The following BRCA1 variants were observed in gnomAD, a reference collection of about 807,000 sequenced individuals.
BRCA1 encodes breast cancer type 1 susceptibility protein.
Under a neutral mutation model 173.7 loss-of-function variants are expected in BRCA1, and 140 were observed. That is an observed-to-expected ratio of 0.81 (90% CI 0.70 to 0.93). The LOEUF is 0.93. Among genes scored for constraint, BRCA1 ranks in the 40% least tolerant of loss-of-function variants. The pLI is 0.00. For synonymous variants in BRCA1, 662 were observed against 756.0 expected (o/e 0.88, Z 2.04); for missense variants, 1,983 against 2,172.5 (o/e 0.91, Z 1.73).
intron 22 of BRCA1, among the ~76,000 whole-genome samples, chr17:43,046,544 C>T (rs906679119): frequency 2.0e-5 from 3 of 151,882 alleles, no homozygotes; most frequent in South Asian, 2.1e-4. Context: ...ACTACAAGTG[C>T]GTGCCACCAT....
chr17:43,143,336 A>G (rs1277990471), intron 1 of BRCA1, among the ~76,000 whole-genome samples: 3 of 152,074 alleles, frequency 2.0e-5, no homozygotes, highest in Non-Finnish European at 4.4e-5. Flanking sequence ...TTTGGGAGAT[A>G]ATTGGGGCAG....
chr17:43,107,505 C>A (rs553061285), intron 3 of BRCA1, among the ~76,000 whole-genome samples: 96 of 151,864 alleles, frequency 6.3e-4, no homozygotes, highest in African/African-American at 2.2e-3. Context: ...CTCAGCCTCC[C>A]GAGTAGCTGG....
chr17:43,053,361 A>G (rs1045212902), intron 19 of BRCA1, among the ~76,000 whole-genome samples: 2 of 152,212 alleles, frequency 1.3e-5, no homozygotes, highest in African/African-American at 4.8e-5. Flanking sequence ...TAGTTATGAG[A>G]TAAGAAATTT....
At chr17:43,089,233 CT>C (rs1307345466) in intron 11 of BRCA1, among the ~76,000 whole-genome samples, 1 of 152,050 alleles carries the variant, frequency 6.6e-6, no homozygotes, top group Non-Finnish European at 1.5e-5. Context: ...ACGAAAATCA[CT>C]TGATCCTGAA....
intron 14 of BRCA1, among the ~76,000 whole-genome samples, chr17:43,072,628 G>C (rs1367287671): frequency 6.7e-6 from 1 of 148,608 alleles, no homozygotes; most frequent in Non-Finnish European, 1.5e-5. Flanking sequence ...GCAATGGCGC[G>C]ATCTCAGCTC....
chr17:43,160,042 A>ATTT (rs1288122295), intron 1 of BRCA1: 2 of 137,690 alleles, frequency 1.5e-5, no homozygotes, highest in Non-Finnish European at 3.2e-5. Flanking sequence ...ACCATCCATG[A>ATTT]TTTTTTTTTT....
intron 22 of BRCA1, among the ~76,000 whole-genome samples, chr17:43,047,415 T>A (rs1178433643): frequency 6.6e-6 from 1 of 152,148 alleles, no homozygotes. Flanking sequence ...TTTATGTTTT[T>A]GTGATGAACA....
At chr17:43,095,200 ACTTAATACTCTGTTCTATCTACAGACTT>A (rs1269140566) in intron 9 of BRCA1, among the ~76,000 whole-genome samples, 17 of 152,210 alleles carry the variant, frequency 1.1e-4, no homozygotes, top group Non-Finnish European at 2.5e-4. Flanking sequence ...CATTAAGTCT[ACTTAATACTCTGTTCTATCTACAGACTT>A]ACCACTCCCT....
rs397508990 is a variant in BRCA1 at position 43,092,872 on chromosome 17, CAG to C, written c.2657_2658del (p.Ser886CysfsTer16). The C allele has an allele frequency of 2.5e-6, 4 of 1,613,942 alleles. No individual in the cohort carries two copies. Among genetic ancestry groups the C allele is most frequent in the Non-Finnish European group, 3.4e-6 (4 of 1,180,002 alleles). On this transcript the variant is annotated frameshift_variant, in exon 10 of 23. Transcript: ENST00000357654. LOFTEE classifies it high-confidence loss of function. ...TGTTTCTTTAAGGACCCAGAGTGGG[CAG>C]AGAATGTTGCACATTCCTCTTCTGC... Reference protein sequence around the residue: ...GNAEEECATFSAHSGSLKKQS... With the variant: ...GNAEEECATFXAHSGSLKKQS...
intron 3 of BRCA1, chr17:43,112,420 C>G (rs555051911): frequency 1.4e-4 from 22 of 152,208 alleles, no homozygotes; most frequent in African/African-American, 4.1e-4. Flanking sequence ...ATTCAAAACA[C>G]AATTTAAAAT....
intron 13 of BRCA1, 37 bp from the exon 14 acceptor site, chr17:43,074,558 C>A (rs2154025763): frequency 1.3e-6 from 2 of 1,566,018 alleles, no homozygotes; most frequent in Middle Eastern, 1.8e-4. Flanking sequence ...CCATCGCCAC[C>A]AATTGTGAAA....
At chr17:43,098,535 T>C (rs1034568083) in intron 7 of BRCA1, among the ~76,000 whole-genome samples, 1 of 151,172 alleles carries the variant, frequency 6.6e-6, no homozygotes, top group East Asian at 2.0e-4. Context: ...ATTTTTTTTT[T>C]TTTTTGTATT....
intron 18 of BRCA1, among the ~76,000 whole-genome samples, chr17:43,061,777 G>A (rs988530769): frequency 1.3e-5 from 2 of 151,896 alleles, no homozygotes; most frequent in Non-Finnish European, 2.9e-5. Flanking sequence ...TAGAGACAAG[G>A]TTTCACCATG....
intron 1 of BRCA1, among the ~76,000 whole-genome samples, chr17:43,149,551 TAA>T (rs1392758226): frequency 6.6e-6 from 1 of 151,954 alleles, no homozygotes; most frequent in Non-Finnish European, 1.5e-5. Context: ...TAAACTATAA[TAA>T]AAGAGAAAGC....
intron 18 of BRCA1, among the ~76,000 whole-genome samples, chr17:43,058,989 C>G (rs768766245): frequency 3.3e-5 from 5 of 152,226 alleles, no homozygotes; most frequent in South Asian, 2.1e-4. Context: ...AAGAGTATAA[C>G]CACTGGCTAT....
intron 2 of BRCA1, among the ~76,000 whole-genome samples, chr17:43,121,644 C>G (rs1440213747): frequency 7.5e-6 from 1 of 133,616 alleles, no homozygotes; most frequent in Non-Finnish European, 1.5e-5. Context: ...GATTGTGCCA[C>G]TGCACTCCAG....
intron 1 of BRCA1, chr17:43,167,278 G>T (rs565808700): frequency 1.3e-5 from 2 of 152,326 alleles, no homozygotes; most frequent in Admixed American, 1.3e-4. Flanking sequence ...CAGACACCGA[G>T]TTAAAGAAGG....
chr17:43,079,662 A>G, intron 12 of BRCA1: 1 of 880,400 alleles, frequency 1.1e-6, no homozygotes, highest in African/African-American at 1.6e-5. Flanking sequence ...GCCAAAGAGA[A>G]AGGTACGTGG....
At chr17:43,053,180 A>C in intron 19 of BRCA1, among the ~76,000 whole-genome samples, 1 of 152,056 alleles carries the variant, frequency 6.6e-6, no homozygotes, top group East Asian at 1.9e-4. Flanking sequence ...CATCTGTGCC[A>C]CTCTCACTAC....
Sources: allele counts gnomAD v4.1 joint callset (sites outside exome capture counted in the v4.1 genomes callset), GRCh38; gene constraint gnomAD v4.1.1; transcripts MANE v1.5; gene names NCBI Gene and HGNC (gene_info 2026-07-23, HGNC 2026-07-21).